Variants in CHTF8 observed in about 807,000 individuals in gnomAD.
The protein encoded by CHTF8 is chromosome transmission fidelity factor 8.
CHTF8 carries 6 observed loss-of-function variants against 11.0 expected under a neutral mutation model. That is an observed-to-expected ratio of 0.55 (90% confidence interval 0.30 to 1.08). CHTF8 has a LOEUF of 1.08. Ranked by LOEUF, CHTF8 falls within the 50% of genes least tolerant of loss-of-function variation. CHTF8 has a pLI of 0.07. For missense variants in CHTF8, 140 were observed against 153.1 expected, an observed-to-expected ratio of 0.91 and a Z score of 0.45; for synonymous variants, 53 against 60.5, an observed-to-expected ratio of 0.88 and a Z score of 0.57.
At position 69,120,080 on chromosome 16, in the gene CHTF8, C is replaced by T. The variant is rs1567587648; in HGVS notation, c.*345G>A. On this transcript the variant is annotated 3_prime_UTR_variant, in exon 4 of 4. Transcript: ENST00000448552. This position sits in a 1 kb window ranked among gnomAD's most constrained non-coding sequence, Gnocchi z 4.0. The stretch of plus-strand genomic sequence containing the variant: ...GGGCCTGGGCCTGGCCCCAAGAGGC[C>T]ACCAGGCCTTGGGAAAGAAACTGCA... 4.3e-6 allele frequency: 3 copies of T among 694,906 alleles called. No individual in the cohort carries two copies. The highest frequency in any genetic ancestry group is 7.9e-6 in the Non-Finnish European group (3 of 382,042). 43.0% of individuals were successfully genotyped at this position (694,906 alleles called of 1,614,324 possible). A position where few individuals can be genotyped will look rare whatever the true frequency, so the allele number is the denominator to read the frequency against.
rs1457192051 is a variant in CHTF8 at position 69,119,637 on chromosome 16, G to A, written c.*788C>T. On this transcript the variant is annotated 3_prime_UTR_variant, in exon 4 of 4. Coordinates refer to ENST00000448552, the MANE Select transcript of CHTF8 (RefSeq NM_001039690.5). ...GGCCTTGAGGTCCAGCCATTCTTAA[G>A]TTAAGACCAGATCCTGTGCCCAAGA... is the stretch of plus-strand genomic sequence containing the variant. 1 of 686,526 alleles carries A rather than the reference G, an allele frequency of 1.5e-6. No individual in the cohort carries two copies. Among genetic ancestry groups the A allele is most frequent in the Non-Finnish European group, 2.7e-6 (1 of 376,062 alleles). The allele number at this position is 686,526 out of a possible 1,614,324, so 42.5% of individuals were successfully genotyped here.
chr16:69,118,488 G>T lies in CHTF8; in HGVS notation c.*1937C>A, dbSNP rs117169105. On this transcript the variant is annotated 3_prime_UTR_variant, in exon 4 of 4. Transcript: ENST00000448552. Reference sequence around the variant, plus strand: ...GCTGATTCTCCAATGGTGAGCAGGGGACTACATGTGAACTGGGACCTGCAG... The same window carrying T: ...GCTGATTCTCCAATGGTGAGCAGGGTACTACATGTGAACTGGGACCTGCAG... The T allele has an allele frequency of 0.023, 31,066 of 1,353,106 alleles. 430 individuals are homozygous for T. Among genetic ancestry groups the T allele is most frequent in the Non-Finnish European group, 0.028 (26,243 of 941,290 alleles). The allele number at this position is 1,353,106 out of a possible 1,614,324, so 83.8% of individuals were successfully genotyped here.
Position 69,118,417 on chromosome 16 carries a change from G to A in CHTF8, c.*2008C>T, listed in dbSNP as rs752717573. 9.3e-6 allele frequency: 15 copies of A among 1,613,476 alleles called. No individual in the cohort carries two copies. Among genetic ancestry groups the A allele is most frequent in the East Asian group, 2.2e-5 (1 of 44,878 alleles). ...TCCAAGCTGCCCAGGTCAGAGCTAC[G>A]GAAGCATGGTCCGTTCACCAACGCC... On this transcript the variant is annotated 3_prime_UTR_variant, in exon 4 of 4. Coordinates refer to ENST00000448552, the MANE Select transcript of CHTF8 (RefSeq NM_001039690.5).
At chr16:69,122,063 G>A (rs1243452627) in intron 1 of CHTF8, among the ~76,000 whole-genome samples, 1 of 152,206 alleles carries the variant, frequency 6.6e-6, no homozygotes, top group Non-Finnish European at 1.5e-5. Context: ...TGGGATTACA[G>A]GTGTGAGCCA....
chr16:69,121,513 G>A lies in CHTF8; in HGVS notation c.-35-20C>T, dbSNP rs1037245919. ...AACAAGCTGTAGAGAGAAAAAAAGA[G>A]ATTTAGGGTAATAACAACAACAACT... On this transcript the variant is annotated intron_variant, in intron 1 of 3. Coordinates refer to ENST00000448552, the MANE Select transcript of CHTF8 (RefSeq NM_001039690.5). The A allele has an allele frequency of 9.5e-6, 14 of 1,469,440 alleles. No individual in the cohort carries two copies. The Admixed American group carries it at 1.0e-4, about 11-fold the overall frequency. The allele number at this position is 1,469,440 out of a possible 1,614,324, so 91.0% of individuals were successfully genotyped here.
In CHTF8 at chr16:69,120,800, C is replaced by A; in HGVS notation, c.142-151G>T. 1.4e-6 allele frequency: 1 copy of A among 735,426 alleles called. No individual in the cohort carries two copies. Among genetic ancestry groups the A allele is most frequent in the African/African-American group, 1.7e-5 (1 of 57,394 alleles). The allele number at this position is 735,426 out of a possible 1,614,324, so 45.6% of individuals were successfully genotyped here. On this transcript the variant is annotated intron_variant, in intron 3 of 3. Coordinates refer to ENST00000448552, the MANE Select transcript of CHTF8 (RefSeq NM_001039690.5). The surrounding 1 kb of genome is among the most constrained non-coding windows in gnomAD (Gnocchi z 4.0). The stretch of plus-strand genomic sequence containing the variant: ...TTGAGCAGCCACACTGGACCACCCA[C>A]CCATGTGCCCTTTTTACTTTCTAGC...
intron 1 of CHTF8, among the ~76,000 whole-genome samples, chr16:69,128,004 G>A (rs764520077): frequency 1.5e-4 from 22 of 151,360 alleles, no homozygotes; most frequent in Non-Finnish European, 2.5e-4. Context: ...AACCTCCGCT[G>A]CCCAGGATCA....
intron 1 of CHTF8, among the ~76,000 whole-genome samples, chr16:69,129,001 T>C (rs1332658814): frequency 6.6e-6 from 1 of 151,536 alleles, no homozygotes; most frequent in Non-Finnish European, 1.5e-5. Flanking sequence ...GAGGCGGTAG[T>C]TACAGTGAGC....
Position 69,118,127 on chromosome 16 carries a change from A to AATTT in CHTF8, c.*2297_*2298insAAAT. The AATTT allele has an allele frequency of 1.4e-5, 2 of 138,044 alleles. No homozygotes were observed. The highest frequency in any genetic ancestry group is 2.9e-5 in the Non-Finnish European group (2 of 69,832). The allele number at this position is 138,044 out of a possible 1,614,324, so 8.6% of individuals were successfully genotyped here. On this transcript the variant is annotated 3_prime_UTR_variant, in exon 4 of 4. Transcript: ENST00000448552. The stretch of plus-strand genomic sequence containing the variant: ...CAGTGATTTCTTCCCTTCATCCCCC[A>AATTT]CCCCCACCCTAATTCCCATATTCCC...
chr16:69,118,762 T>G lies in CHTF8; in HGVS notation c.*1663A>C. 1.6e-6 allele frequency: 1 copy of G among 639,702 alleles called. No homozygotes were observed. The highest frequency in any genetic ancestry group is 1.8e-5 in the South Asian group (1 of 55,326). The allele number at this position is 639,702 out of a possible 1,614,324, so 39.6% of individuals were successfully genotyped here. A position where few individuals can be genotyped will look rare whatever the true frequency, so the allele number is the denominator to read the frequency against. ...TGAGCCCAAGCTATGTTCTTCAGAC[T>G]GTAGCTCCACAACTACCCTTTTACC... is the stretch of plus-strand genomic sequence containing the variant. On this transcript the variant is annotated 3_prime_UTR_variant, in exon 4 of 4. Transcript: ENST00000448552.
Position 69,120,299 on chromosome 16 carries a change from G to A in CHTF8, c.*126C>T, listed in dbSNP as rs760281642. 11 of 873,956 alleles carry A rather than the reference G, an allele frequency of 1.3e-5. No individual in the cohort carries two copies. 54.1% of individuals were successfully genotyped at this position (873,956 alleles called of 1,614,324 possible). On this transcript the variant is annotated 3_prime_UTR_variant, in exon 4 of 4. Transcript: ENST00000448552. The surrounding 1 kb of genome is among the most constrained non-coding windows in gnomAD (Gnocchi z 4.0). ...AGGAAGGGATCCGAGTTCACACCCAGTGGGTGGCCTGTGTTCAGAACAGGA... is the reference window on the plus strand; with the variant it reads ...AGGAAGGGATCCGAGTTCACACCCAATGGGTGGCCTGTGTTCAGAACAGGA...
At chr16:69,127,222 A>G (rs1962131161) in intron 1 of CHTF8, among the ~76,000 whole-genome samples, 1 of 151,852 alleles carries the variant, frequency 6.6e-6, no homozygotes, top group Non-Finnish European at 1.5e-5. Context: ...TGGGCAACAA[A>G]GAGCAAAACT....
chr16:69,122,299 C>G (rs1023640908), intron 1 of CHTF8, among the ~76,000 whole-genome samples: 1 of 151,874 alleles, frequency 6.6e-6, no homozygotes, highest in East Asian at 1.9e-4. Context: ...TGATATGAAC[C>G]GAAGACATAC....
At chr16:69,132,422 C>T (rs1673895210) in intron 1 of CHTF8, 62 bp downstream of exon 1, 1 of 173,494 alleles carries the variant, frequency 5.8e-6, no homozygotes, top group South Asian at 1.3e-4. Context: ...GCGCCCTCGC[C>T]CCCAATCCCG....
Position 69,119,527 on chromosome 16 carries a change from G to A in CHTF8, c.*898C>T, listed in dbSNP as rs570440198. The A allele has an allele frequency of 6.7e-5, 47 of 702,944 alleles. No homozygotes were observed. The highest frequency in any genetic ancestry group is 2.6e-4 in the Admixed American group (13 of 50,028). The allele number at this position is 702,944 out of a possible 1,614,324, so 43.5% of individuals were successfully genotyped here. A position where few individuals can be genotyped will look rare whatever the true frequency, so the allele number is the denominator to read the frequency against. The stretch of plus-strand genomic sequence containing the variant: ...TACTCTTGCCATGGAGGATGGGCTT[G>A]TGCCCATGTTTCCAGAAGCCTGTGA... On this transcript the variant is annotated 3_prime_UTR_variant, in exon 4 of 4. Coordinates refer to ENST00000448552, the MANE Select transcript of CHTF8 (RefSeq NM_001039690.5).
intron 1 of CHTF8, among the ~76,000 whole-genome samples, chr16:69,122,289 T>G (rs571573546): frequency 6.6e-6 from 1 of 152,162 alleles, no homozygotes; most frequent in African/African-American, 2.4e-5. Flanking sequence ...AAGGAAAAGA[T>G]GATATGAACC....
At chr16:69,131,539 T>G (rs1279436579) in intron 1 of CHTF8, 1 of 130,152 alleles carries the variant, frequency 7.7e-6, no homozygotes, top group African/African-American at 2.8e-5. Flanking sequence ...CCCTTTCTGC[T>G]AGAGCTACAA....
chr16:69,128,958 G>A (rs1017834321), intron 1 of CHTF8, among the ~76,000 whole-genome samples: 42 of 152,226 alleles, frequency 2.8e-4, no homozygotes, highest in African/African-American at 9.6e-4. Flanking sequence ...CAGCTACTCA[G>A]GAGGCTGAGG....
chr16:69,124,581 G>A (rs923750647), intron 1 of CHTF8, among the ~76,000 whole-genome samples: 3 of 151,574 alleles, frequency 2.0e-5, no homozygotes, highest in South Asian at 2.1e-4. Context: ...CCGCCACCAC[G>A]CCAGGCTGGT....
Sources: gnomAD v4.1 joint callset for allele counts (sites outside exome capture counted in the v4.1 genomes callset) on GRCh38, gnomAD v4.1.1 for gene constraint, Gnocchi (gnomAD v3.1) non-coding constraint, MANE v1.5 for transcripts, NCBI Gene and HGNC (gene_info 2026-07-23, HGNC 2026-07-21) for gene names.